The following CNTN1 variants were observed in gnomAD, a reference collection of about 807,000 sequenced individuals.
CNTN1 encodes contactin 1.
A neutral mutation model predicts 126.4 loss-of-function variants in CNTN1; 38 were observed. That is an observed-to-expected ratio of 0.30 (90% CI 0.23 to 0.39). The LOEUF is 0.39. Among genes scored for constraint, CNTN1 ranks in the 10% least tolerant of loss-of-function variants. The pLI is 1.00. For missense variants in CNTN1, 1,009 were observed against 1,248.4 expected (o/e 0.81, Z 2.89); for synonymous variants, 413 against 422.6 (o/e 0.98, Z 0.28).
chr12:40,987,699 TA>T (rs1232184801), intron 16 of CNTN1, among the ~76,000 whole-genome samples: 1 of 152,198 alleles, frequency 6.6e-6, no homozygotes, highest in African/African-American at 2.4e-5. Context: ...TCTTTGCACA[TA>T]AATGTTTCTC....
In CNTN1 at chr12:40,774,209, A is replaced by AT. The variant is rs536505417; in HGVS notation, c.-77+81626dup. Among the ~76,000 whole-genome samples, 211 of 150,904 alleles carry AT rather than the reference A, an allele frequency of 1.4e-3. 6 individuals are homozygous for AT. The East Asian group carries it at 0.027, about 20-fold the overall frequency. ...AAGCTCAAAACAAATTGAAGACTACATTTTTTTTTGTAAAATTAAGATCTG... is the reference window on the plus strand; with the variant it reads ...AAGCTCAAAACAAATTGAAGACTACATTTTTTTTTTGTAAAATTAAGATCTG... On this transcript the variant is annotated intron_variant, in intron 1 of 23. Transcript: ENST00000551295.
intron 1 of CNTN1, among the ~76,000 whole-genome samples, chr12:40,759,774 ATT>A (rs33992864): frequency 0.017 from 2,259 of 133,528 alleles, 31 homozygotes; most frequent in African/African-American, 0.031. Flanking sequence ...TGGCCCAGAT[ATT>A]TTTTTTTTTT....
chr12:40,943,703 A>T lies in CNTN1; in HGVS notation c.1486A>T (p.Thr496Ser), dbSNP rs1195389838. The part of the protein sequence containing the change: ...AENNRGKANS[T>S]GTLVITDPTR... Reference sequence around the variant, plus strand: ...AAATAACAGAGGGAAAGCTAATAGCACTGGAACCCTTGTTATCACAGGTAA... The same window carrying T: ...AAATAACAGAGGGAAAGCTAATAGCTCTGGAACCCTTGTTATCACAGGTAA... The change falls in exon 13 of 24, where the codon ACT (threonine) becomes TCT (serine). Residue 496 changes from threonine (T) to serine (S), a missense_variant. Transcript: ENST00000551295. The T allele has an allele frequency of 1.9e-6, 3 of 1,612,862 alleles. No homozygotes were observed.
At chr12:40,708,693 G>A (rs1279446439) in intron 1 of CNTN1, among the ~76,000 whole-genome samples, 1 of 152,152 alleles carries the variant, frequency 6.6e-6, no homozygotes, top group Non-Finnish European at 1.5e-5. Flanking sequence ...TTTATTCACT[G>A]AATTTATGTA....
At chr12:40,751,517 G>A (rs1015591336) in intron 1 of CNTN1, among the ~76,000 whole-genome samples, 1 of 152,014 alleles carries the variant, frequency 6.6e-6, no homozygotes, top group Non-Finnish European at 1.5e-5. Context: ...AATAAAGGAG[G>A]TGTCTCCAGG....
At chr12:40,837,115 T>G (rs1268528181) in intron 1 of CNTN1, among the ~76,000 whole-genome samples, 1 of 152,212 alleles carries the variant, frequency 6.6e-6, no homozygotes, top group Non-Finnish European at 1.5e-5. Flanking sequence ...CAATGTTGCA[T>G]GTTAATTTTT....
intron 17 of CNTN1, among the ~76,000 whole-genome samples, chr12:40,996,771 G>A (rs1460533135): frequency 1.3e-5 from 2 of 152,020 alleles, no homozygotes; most frequent in African/African-American, 4.8e-5. Flanking sequence ...CTACTGTTTT[G>A]CCATTTACTT....
chr12:40,725,402 A>C (rs1942325077), intron 1 of CNTN1, among the ~76,000 whole-genome samples: 1 of 56,472 alleles, frequency 1.8e-5, no homozygotes, highest in African/African-American at 6.3e-5. Flanking sequence ...ACTCTGTCTC[A>C]AAAAAAAAAA....
At chr12:41,026,764 T>C (rs765184534) in intron 21 of CNTN1, among the ~76,000 whole-genome samples, 2 of 152,160 alleles carry the variant, frequency 1.3e-5, no homozygotes, top group African/African-American at 4.8e-5. Flanking sequence ...CAGAGAGTGA[T>C]ATCTAATTTA....
At chr12:40,852,035 G>T (rs1942735474) in intron 1 of CNTN1, among the ~76,000 whole-genome samples, 1 of 152,160 alleles carries the variant, frequency 6.6e-6, no homozygotes, top group African/African-American at 2.4e-5. Context: ...CTGGACAGGA[G>T]CTGGCCCAAG....
rs1461132262 is a variant in CNTN1, at chr12:40,721,688, C to T, written c.-77+29096C>T. Among the ~76,000 whole-genome samples, 10 of 125,630 alleles carry T rather than the reference C, an allele frequency of 8.0e-5. 1 individual carries two copies. In the East Asian group the frequency reaches 1.4e-3, roughly 17 times the overall value. The allele number at this position is 125,630 out of a possible 152,430, so 82.4% of individuals were successfully genotyped here. A position where few individuals can be genotyped will look rare whatever the true frequency, so the allele number is the denominator to read the frequency against. ...TTAGCATTAGGTATATCTCCTAATG[C>T]TATCCCTCCCCCCTCCCCCCACCCC... is the stretch of plus-strand genomic sequence containing the variant. On this transcript the variant is annotated intron_variant, in intron 1 of 23. Coordinates refer to ENST00000551295, the MANE Select transcript of CNTN1 (RefSeq NM_001843.4).
intron 3 of CNTN1, among the ~76,000 whole-genome samples, chr12:40,910,922 T>G (rs778282083): frequency 2.0e-5 from 3 of 152,182 alleles, no homozygotes; most frequent in Non-Finnish European, 2.9e-5. Context: ...AGAACTTGCA[T>G]GCCAAATCAA....
chr12:40,959,328 C>T, intron 15 of CNTN1, 94 bp downstream of exon 15: 1 of 1,348,250 alleles, frequency 7.4e-7, no homozygotes, highest in Non-Finnish European at 1.0e-6. Flanking sequence ...CAAATTCTTA[C>T]ATATTTAGAG....
chr12:40,994,810 T>A (rs563312850), intron 17 of CNTN1, among the ~76,000 whole-genome samples: 1 of 151,980 alleles, frequency 6.6e-6, no homozygotes, highest in East Asian at 1.9e-4. Context: ...ATAGTTAAGG[T>A]TGAAATCTAA....
intron 1 of CNTN1, among the ~76,000 whole-genome samples, chr12:40,855,103 A>T (rs750968058): frequency 1.3e-5 from 2 of 152,180 alleles, no homozygotes; most frequent in Non-Finnish European, 2.9e-5. Flanking sequence ...ACTGTGAAGC[A>T]GAAAGAATAC....
intron 17 of CNTN1, among the ~76,000 whole-genome samples, chr12:40,999,159 A>C (rs911508863): frequency 1.3e-5 from 2 of 152,174 alleles, no homozygotes; most frequent in Non-Finnish European, 2.9e-5. Context: ...CTTTAAAAAA[A>C]ATTTTTAGAT....
In CNTN1 at chr12:40,977,016, C is replaced by A. The variant is rs75169018; in HGVS notation, c.1805-3893C>A. ...GGTTATGAATGCACCTGTGACACAGCCTCAGGAGGTCCTGACGACCTGTTC... is the reference window on the plus strand; with the variant it reads ...GGTTATGAATGCACCTGTGACACAGACTCAGGAGGTCCTGACGACCTGTTC... On this transcript the variant is annotated intron_variant, in intron 15 of 23. Transcript: ENST00000551295. Among the ~76,000 whole-genome samples the A allele has an allele frequency of 1.5e-3, 224 of 152,256 alleles. 2 individuals are homozygous for A. In the East Asian group the frequency reaches 0.033, roughly 22 times the overall value.
At chr12:40,860,317 T>G (rs1048570078) in intron 1 of CNTN1, among the ~76,000 whole-genome samples, 2 of 152,190 alleles carry the variant, frequency 1.3e-5, no homozygotes, top group Non-Finnish European at 2.9e-5. Flanking sequence ...TGGTGCAATA[T>G]GTGTGATGTC....
intron 1 of CNTN1, among the ~76,000 whole-genome samples, chr12:40,795,130 A>C (rs1198733413): frequency 6.6e-6 from 1 of 152,020 alleles, no homozygotes; most frequent in Non-Finnish European, 1.5e-5. Context: ...ATAAGAGAAA[A>C]TTCTGCTTCA....
Sources: gnomAD v4.1 joint callset for allele counts (sites outside exome capture counted in the v4.1 genomes callset) on GRCh38, gnomAD v4.1.1 for gene constraint, MANE v1.5 for transcripts, NCBI Gene and HGNC (gene_info 2026-07-23, HGNC 2026-07-21) for gene names.